Variants in ANKRD11 observed in about 807,000 individuals in gnomAD.
The protein encoded by ANKRD11 is ankyrin repeat domain 11.
A neutral mutation model predicts 195.7 loss-of-function variants in ANKRD11; 17 were observed. The observed-to-expected ratio is 0.09, with a 90% CI of 0.06 to 0.13. ANKRD11 has a LOEUF of 0.13. ANKRD11 is among the 10% of genes least tolerant of loss of function. The pLI is 1.00. For synonymous variants in ANKRD11, 1,953 were observed against 1,528.1 expected, an observed-to-expected ratio of 1.28 and a Z score of -6.49; for missense variants, 3,735 against 3,566.1, an observed-to-expected ratio of 1.05 and a Z score of -1.21.
intron 2 of ANKRD11, chr16:89,324,615 CG>C (rs1196847626): frequency 2.3e-6 from 1 of 429,138 alleles, no homozygotes; most frequent in African/African-American, 2.0e-5. Flanking sequence ...GGCAGATCTG[CG>C]GAAGCACTGG....
chr16:89,346,456 C>T (rs952673775), intron 2 of ANKRD11, among the ~76,000 whole-genome samples: 6 of 152,030 alleles, frequency 3.9e-5, no homozygotes, highest in African/African-American at 7.3e-5. Context: ...ACAATAATCA[C>T]GCAATCCATT....
At chr16:89,286,658 A>G in intron 7 of ANKRD11, 1 of 1,227,846 alleles carries the variant, frequency 8.1e-7, no homozygotes, top group Non-Finnish European at 1.0e-6. Context: ...AACAAAGACC[A>G]AGTTTCTGCA....
intron 1 of ANKRD11, among the ~76,000 whole-genome samples, chr16:89,431,989 C>A (rs959346221): frequency 2.0e-5 from 3 of 152,122 alleles, no homozygotes; most frequent in African/African-American, 2.4e-5. Context: ...AGCTCCCCCC[C>A]ATCACTGTCA....
chr16:89,461,324 T>C (rs766655882), intron 1 of ANKRD11, among the ~76,000 whole-genome samples: 13 of 151,942 alleles, frequency 8.6e-5, no homozygotes, highest in Non-Finnish European at 1.3e-4. Context: ...CGGTGTCGTC[T>C]GGGAAGACCA....
At chr16:89,474,801 C>T (rs2057202301) in intron 1 of ANKRD11, among the ~76,000 whole-genome samples, 1 of 152,228 alleles carries the variant, frequency 6.6e-6, no homozygotes, top group Non-Finnish European at 1.5e-5. Context: ...GTTACATATG[C>T]CACCAACGTC....
At chr16:89,274,368 T>C (rs1026351633) in intron 11 of ANKRD11, among the ~76,000 whole-genome samples, 4 of 152,194 alleles carry the variant, frequency 2.6e-5, no homozygotes, top group Non-Finnish European at 5.9e-5. Context: ...AGCCACCCAG[T>C]GTCCCTGCTG....
At chr16:89,286,239 T>C in intron 7 of ANKRD11, 53 bp from the exon 8 acceptor site, 1 of 1,602,656 alleles carries the variant, frequency 6.2e-7, no homozygotes. Flanking sequence ...ACAACTCCTC[T>C]ACCGTTCCGC....
chr16:89,288,555 G>A lies in ANKRD11; in HGVS notation c.717C>T (p.His239=), dbSNP rs753274554. 2.4e-5 allele frequency: 38 copies of A among 1,614,040 alleles called. No individual in the cohort carries two copies. Among genetic ancestry groups the A allele is most frequent in the Non-Finnish European group, 2.8e-5 (33 of 1,180,042 alleles). ...TGTAGTGCCCGTTGTTGGCAGCGTC[G>A]TGCAAAGGCGTGTCGTCATCTAGGC... The part of the protein sequence containing the change: ...TKGLDDDTPL[H]DAANNGHYKV... The change falls in exon 7 of 13, where the codon CAC becomes CAT. Residue 239 remains histidine (H), a synonymous_variant. Coordinates refer to ENST00000301030, the MANE Select transcript of ANKRD11 (RefSeq NM_013275.6).
At chr16:89,461,703 G>C (rs771743290) in intron 1 of ANKRD11, among the ~76,000 whole-genome samples, 2 of 152,094 alleles carry the variant, frequency 1.3e-5, no homozygotes, top group Non-Finnish European at 2.9e-5. Context: ...TACTAACTAT[G>C]CCATCTTATT....
chr16:89,278,893 G>A, intron 9 of ANKRD11, 179 bp downstream of exon 9: 3 of 1,050,834 alleles, frequency 2.9e-6, no homozygotes, highest in Non-Finnish European at 4.3e-6. Flanking sequence ...AGAACAGCTG[G>A]GCAGCTTCCG....
intron 1 of ANKRD11, among the ~76,000 whole-genome samples, chr16:89,421,659 G>T (rs1285448514): frequency 1.7e-5 from 2 of 117,560 alleles, no homozygotes; most frequent in East Asian, 5.1e-4. Flanking sequence ...GACACGAAGG[G>T]TCGGTGTGTG....
intron 2 of ANKRD11, among the ~76,000 whole-genome samples, chr16:89,336,065 A>T (rs3102376): frequency 3.3e-5 from 5 of 152,216 alleles, no homozygotes; most frequent in Middle Eastern, 3.4e-3. Flanking sequence ...TATTCCTGCC[A>T]GTTGGTTTGA....
chr16:89,361,768 G>A (rs958993936), intron 2 of ANKRD11: 1 of 152,232 alleles, frequency 6.6e-6, no homozygotes, highest in East Asian at 1.9e-4. Flanking sequence ...ATGTCTCTAA[G>A]GACTAAGGGA....
At chr16:89,375,132 G>A (rs555180223) in intron 2 of ANKRD11, among the ~76,000 whole-genome samples, 3 of 152,004 alleles carry the variant, frequency 2.0e-5, no homozygotes, top group Admixed American at 6.6e-5. Flanking sequence ...AACTCAGTGC[G>A]GGACATACCA....
At chr16:89,387,176 A>G (rs1274727006) in intron 2 of ANKRD11, among the ~76,000 whole-genome samples, 1 of 152,022 alleles carries the variant, frequency 6.6e-6, no homozygotes, top group Non-Finnish European at 1.5e-5. Context: ...AAGAAGGCCC[A>G]CTAAGGACAC....
At chr16:89,476,600 C>T (rs2057266080) in intron 1 of ANKRD11, among the ~76,000 whole-genome samples, 1 of 152,322 alleles carries the variant, frequency 6.6e-6, no homozygotes, top group South Asian at 2.1e-4. Flanking sequence ...CCAGGTGGGG[C>T]TCTGCAGCCT....
chr16:89,348,214 G>A (rs1413235786), intron 2 of ANKRD11, among the ~76,000 whole-genome samples: 1 of 152,098 alleles, frequency 6.6e-6, no homozygotes, highest in Admixed American at 6.6e-5. Context: ...TTACAGGCAT[G>A]AGCCACCATA....
At chr16:89,428,273 C>T (rs1468098909) in intron 1 of ANKRD11, among the ~76,000 whole-genome samples, 1 of 152,090 alleles carries the variant, frequency 6.6e-6, no homozygotes, top group Admixed American at 6.6e-5. Flanking sequence ...CGCCTATAAT[C>T]CCAGCACTTT....
At chr16:89,479,087 C>A (rs1455468876) in intron 1 of ANKRD11, among the ~76,000 whole-genome samples, 1 of 152,124 alleles carries the variant, frequency 6.6e-6, no homozygotes, top group Non-Finnish European at 1.5e-5. Flanking sequence ...ACTAGTGGGT[C>A]CTCCTGTTCC....
Sources: allele counts gnomAD v4.1 joint callset (sites outside exome capture counted in the v4.1 genomes callset), GRCh38; gene constraint gnomAD v4.1.1; transcripts MANE v1.5; gene names NCBI Gene and HGNC (gene_info 2026-07-23, HGNC 2026-07-21).